The following EPB41L2 variants were observed in gnomAD, a reference collection of about 807,000 sequenced individuals.
The protein encoded by EPB41L2 is band 4.1-like protein 2.
In EPB41L2, 43 loss-of-function variants were observed where a neutral mutation model predicts 113.0. The ratio of observed to expected loss-of-function variants is 0.38; its 90% CI spans 0.30 to 0.49. The LOEUF (loss-of-function observed/expected upper bound fraction) is 0.49, where lower values mean the gene tolerates loss of function less well. Ranked by LOEUF, EPB41L2 falls within the 20% of genes least tolerant of loss-of-function variation. The pLI, the probability that EPB41L2 is intolerant of heterozygous loss-of-function variation, is 0.95. For synonymous variants in EPB41L2, 442 were observed against 436.7 expected (o/e 1.01, Z -0.15); for missense variants, 1,147 against 1,223.4 (o/e 0.94, Z 0.93).
At chr6:130,880,613 G>T (rs1014349012) in intron 12 of EPB41L2, 2 of 494,980 alleles carry the variant, frequency 4.0e-6, no homozygotes, top group African/African-American at 3.9e-5. Flanking sequence ...TTACTGTGAG[G>T]CCCTCAGAAG....
chr6:131,042,790 T>C lies in EPB41L2; in HGVS notation c.-15+20365A>G, dbSNP rs183395338. Among the ~76,000 whole-genome samples the C allele has an allele frequency of 6.6e-5, 10 of 152,340 alleles. No individual in the cohort carries two copies. The East Asian group carries it at 1.9e-3, about 29-fold the overall frequency. ...TGATTTTACTGTAAAATGTCTCACT[T>C]GAACGGAAAACCTGGTTTGTGGTAC... On this transcript the variant is annotated intron_variant, in intron 1 of 19. Transcript: ENST00000337057.
chr6:130,972,117 A>G (rs1046056217), intron 1 of EPB41L2, among the ~76,000 whole-genome samples: 2 of 152,190 alleles, frequency 1.3e-5, no homozygotes, highest in Non-Finnish European at 2.9e-5. Flanking sequence ...TGAGATCAAG[A>G]GTTCTAGACC....
At chr6:130,981,315 T>C (rs1779332956) in intron 1 of EPB41L2, among the ~76,000 whole-genome samples, 1 of 152,134 alleles carries the variant, frequency 6.6e-6, no homozygotes, top group Non-Finnish European at 1.5e-5. Context: ...TTGCAAAGTT[T>C]GGGGAGGGGT....
At chr6:131,019,259 C>A (rs1012968424) in intron 1 of EPB41L2, among the ~76,000 whole-genome samples, 1 of 152,110 alleles carries the variant, frequency 6.6e-6, no homozygotes, top group Non-Finnish European at 1.5e-5. Context: ...CAGAGTTTTG[C>A]ATTTTTAGAA....
intron 1 of EPB41L2, among the ~76,000 whole-genome samples, chr6:131,049,708 C>T (rs1265270920): frequency 6.6e-6 from 1 of 152,242 alleles, no homozygotes; most frequent in African/African-American, 2.4e-5. Context: ...TTCCAATAAT[C>T]CCATAGGACT....
At chr6:131,045,994 T>C (rs1479108951) in intron 1 of EPB41L2, among the ~76,000 whole-genome samples, 4 of 150,742 alleles carry the variant, frequency 2.7e-5, no homozygotes, top group African/African-American at 9.7e-5. Flanking sequence ...TCACCAAGGC[T>C]GGAGTGCAGT....
At chr6:131,061,977 G>A (rs1186501608) in intron 1 of EPB41L2, among the ~76,000 whole-genome samples, 1 of 152,130 alleles carries the variant, frequency 6.6e-6, no homozygotes, top group Admixed American at 6.5e-5. Context: ...GGGGAAAGAT[G>A]TGATTCAGAA....
intron 1 of EPB41L2, among the ~76,000 whole-genome samples, chr6:131,058,410 C>T (rs937691960): frequency 6.6e-6 from 1 of 152,244 alleles, no homozygotes; most frequent in South Asian, 2.1e-4. Flanking sequence ...AAGAAACTTA[C>T]AACACAGATC....
At chr6:130,900,183 T>A (rs1402618345) in intron 7 of EPB41L2, among the ~76,000 whole-genome samples, 1 of 152,232 alleles carries the variant, frequency 6.6e-6, no homozygotes, top group Non-Finnish European at 1.5e-5. Flanking sequence ...AAATGTCTAT[T>A]GAGTAGAATT....
rs537387064 is a variant in EPB41L2 at position 131,024,769 on chromosome 6, G to A, written c.-15+38386C>T. On this transcript the variant is annotated intron_variant, in intron 1 of 19. Transcript: ENST00000337057. The stretch of plus-strand genomic sequence containing the variant: ...GACTACCCTGTCCCAACTAACCTTA[G>A]AGCCTTCTCTGAGGAACTGATACCT... Among the ~76,000 whole-genome samples the A allele has an allele frequency of 7.5e-4, 114 of 152,248 alleles. 1 individual carries two copies. Among genetic ancestry groups the A allele is most frequent in the Non-Finnish European group, 1.3e-3 (88 of 68,016 alleles).
chr6:131,054,501 CTG>C (rs1310698644), intron 1 of EPB41L2, among the ~76,000 whole-genome samples: 1 of 152,218 alleles, frequency 6.6e-6, no homozygotes, highest in African/African-American at 2.4e-5. Context: ...CTTTCCCTAT[CTG>C]TCTCTATCTC....
intron 1 of EPB41L2, among the ~76,000 whole-genome samples, chr6:130,986,118 G>A (rs546980602): frequency 5.3e-5 from 8 of 152,224 alleles, no homozygotes; most frequent in East Asian, 1.9e-4. Context: ...ATCATATGTC[G>A]TGGGCAAGTG....
chr6:131,034,386 T>C lies in EPB41L2; in HGVS notation c.-15+28769A>G, dbSNP rs116174036. 3.6e-3 allele frequency among the ~76,000 whole-genome samples: 548 copies of C among 152,246 alleles called. 2 individuals carry two copies. The highest frequency in any genetic ancestry group is 0.013 in the African/African-American group (532 of 41,552). ...AATTTGGGAAGCCAAGGCAAGCACATTGCCTGAGCCCAGGAATTCGAGATC... is the reference window on the plus strand; with the variant it reads ...AATTTGGGAAGCCAAGGCAAGCACACTGCCTGAGCCCAGGAATTCGAGATC... On this transcript the variant is annotated intron_variant, in intron 1 of 19. Transcript: ENST00000337057.
At position 130,899,482 on chromosome 6, in the gene EPB41L2, T is replaced by C; in HGVS notation, c.1236+9A>G. ...ACTATGATGCTACTCCCCGTTACAT[T>C]TACAGTACCTTGGCATGATGTAGGT... On this transcript the variant is annotated intron_variant, in intron 8 of 19. Transcript: ENST00000337057. 6.2e-7 allele frequency: 1 copy of C among 1,611,796 alleles called. No homozygotes were observed. The highest frequency in any genetic ancestry group is 8.5e-7 in the Non-Finnish European group (1 of 1,177,966).
At chr6:130,880,100 C>A (rs371139319) in intron 13 of EPB41L2, 44 bp downstream of exon 13, 39 of 1,460,764 alleles carry the variant, frequency 2.7e-5, no homozygotes, top group Non-Finnish European at 3.4e-5. Context: ...CCACAGCAGC[C>A]GGGCAGCCAT....
intron 8 of EPB41L2, among the ~76,000 whole-genome samples, chr6:130,898,989 C>T (rs963071440): frequency 3.3e-5 from 5 of 152,064 alleles, no homozygotes; most frequent in African/African-American, 7.2e-5. Flanking sequence ...GGCCCACCTA[C>T]GTTATCTTTC....
chr6:130,954,055 T>TTTTTTTTTTTTTTTG (rs1816459370), intron 3 of EPB41L2, among the ~76,000 whole-genome samples: 1 of 105,154 alleles, frequency 9.5e-6, no homozygotes, highest in Non-Finnish European at 2.0e-5. Flanking sequence ...TTTTTTTTTT[T>TTTTTTTTTTTTTTTG]TTTTTTTTTT....
chr6:130,856,464 A>G (rs896697638), intron 19 of EPB41L2, among the ~76,000 whole-genome samples: 2 of 152,264 alleles, frequency 1.3e-5, no homozygotes, highest in Non-Finnish European at 2.9e-5. Context: ...AGAGAAAACA[A>G]GAATGGCTAA....
intron 1 of EPB41L2, among the ~76,000 whole-genome samples, chr6:131,029,388 G>GT (rs138241613): frequency 0.018 from 1,746 of 97,502 alleles, 29 homozygotes; most frequent in South Asian, 0.027. Context: ...TTCAGCATTT[G>GT]TTTAAAAAAA....
Sources: allele counts gnomAD v4.1 joint callset (sites outside exome capture counted in the v4.1 genomes callset), GRCh38; gene constraint gnomAD v4.1.1; transcripts MANE v1.5; gene names NCBI Gene and HGNC (gene_info 2026-07-23, HGNC 2026-07-21).